MEGF10: variants seen among roughly 807,000 people sequenced by gnomAD.
MEGF10 encodes the protein multiple EGF like domains 10.
MEGF10 carries 86 observed loss-of-function variants against 147.5 expected under a neutral mutation model. The ratio of observed to expected loss-of-function variants is 0.58; its 90% CI spans 0.49 to 0.70. The LOEUF is 0.70. MEGF10 is among the 30% of genes least tolerant of loss of function. The pLI is 0.00. For synonymous variants in MEGF10, 478 were observed against 525.5 expected, an observed-to-expected ratio of 0.91 and a Z score of 1.24; for missense variants, 1,329 against 1,487.3, an observed-to-expected ratio of 0.89 and a Z score of 1.75.
At chr5:127,410,152 T>C (rs1314422150) in intron 8 of MEGF10, among the ~76,000 whole-genome samples, 1 of 152,264 alleles carries the variant, frequency 6.6e-6, no homozygotes, top group Non-Finnish European at 1.5e-5. Context: ...TTTCATTTTG[T>C]TGCTGTTGTT....
chr5:127,276,598 T>TTCCAAGTGGAAAACAAAAA, the MEGF10 span, among the ~76,000 whole-genome samples: 1 of 152,204 alleles, frequency 6.6e-6, no homozygotes, highest in Non-Finnish European at 1.5e-5. Context: ...GAAAGATAAT[T>TTCCAAGTGGAAAACAAAAA]TCCAAGTGGA....
chr5:127,304,469 A>G (rs1759922568), intron 1 of MEGF10, among the ~76,000 whole-genome samples: 1 of 152,098 alleles, frequency 6.6e-6, no homozygotes, highest in African/African-American at 2.4e-5. Flanking sequence ...TAGAACAACT[A>G]TCAGGACGTA....
At position 127,433,438 on chromosome 5, in the gene MEGF10, G is replaced by A. The variant is rs775464030; in HGVS notation, c.1769G>A (p.Gly590Glu). 1 of 1,614,004 alleles carries A rather than the reference G, an allele frequency of 6.2e-7. No homozygotes were observed. Among genetic ancestry groups the A allele is most frequent in the Non-Finnish European group, 8.5e-7 (1 of 1,179,942 alleles). ...NCSLPCYCKNGASCSPDDGIC... is the reference protein window; with the variant it reads ...NCSLPCYCKNEASCSPDDGIC... ...TCCCTGCCCTGCTACTGTAAAAATG[G>A]GGCTTCATGCTCCCCTGATGATGGC... Residue 590 changes from glycine to glutamate, a missense_variant, in exon 14 of 25, where the codon GGG becomes GAG. Gly to Glu is a moderately conservative substitution (Grantham distance 98). Coordinates refer to ENST00000503335, the MANE Select transcript of MEGF10 (RefSeq NM_001256545.2).
At chr5:127,268,128 C>G in the MEGF10 span, among the ~76,000 whole-genome samples, 2,507 of 152,154 alleles carry the variant, frequency 0.016, 58 homozygotes, top group East Asian at 0.086. Context: ...TGTCTTTGTT[C>G]TCATTGGTTT....
chr5:127,411,154 A>G (rs1237494072), intron 9 of MEGF10, among the ~76,000 whole-genome samples: 1 of 152,168 alleles, frequency 6.6e-6, no homozygotes, highest in African/African-American at 2.4e-5. Flanking sequence ...CTCACAAGGG[A>G]CTTTTAGCTC....
At chr5:127,336,634 TG>T (rs1016195428) in intron 2 of MEGF10, among the ~76,000 whole-genome samples, 5 of 152,114 alleles carry the variant, frequency 3.3e-5, no homozygotes, top group African/African-American at 1.2e-4. Flanking sequence ...CATTTACTGA[TG>T]ATAACATTTT....
chr5:127,338,392 G>T (rs1432928673), intron 2 of MEGF10, among the ~76,000 whole-genome samples: 1 of 152,034 alleles, frequency 6.6e-6, no homozygotes, highest in Non-Finnish European at 1.5e-5. Context: ...CATATTTCAT[G>T]GATGTTTTCC....
At chr5:127,265,958 C>T in the MEGF10 span, among the ~76,000 whole-genome samples, 1 of 152,128 alleles carries the variant, frequency 6.6e-6, no homozygotes, top group Admixed American at 6.5e-5. Flanking sequence ...GCTTTTGTTG[C>T]CATTGCTTTT....
chr5:127,333,210 G>A (rs184957038), intron 2 of MEGF10, among the ~76,000 whole-genome samples: 39 of 152,164 alleles, frequency 2.6e-4, no homozygotes, highest in Non-Finnish European at 7.4e-5. Context: ...AACTCTCTGA[G>A]GGAAAGACTA....
chr5:127,435,871 T>A (rs925562738), intron 16 of MEGF10, among the ~76,000 whole-genome samples: 3 of 152,204 alleles, frequency 2.0e-5, no homozygotes, highest in African/African-American at 7.2e-5. Flanking sequence ...GATGTGAGCC[T>A]TAGAAACCTA....
intron 1 of MEGF10, among the ~76,000 whole-genome samples, chr5:127,291,722 A>G (rs184941217): frequency 3.3e-5 from 5 of 152,226 alleles, no homozygotes; most frequent in Admixed American, 3.3e-4. Context: ...TTTTTCTTTT[A>G]AATTCCTTGT....
At chr5:127,267,978 C>T in the MEGF10 span, among the ~76,000 whole-genome samples, 5 of 152,158 alleles carry the variant, frequency 3.3e-5, no homozygotes, top group South Asian at 4.1e-4. Flanking sequence ...AATGTGTTTG[C>T]TCTTGCTTCT....
chr5:127,385,960 C>A (rs1220365223), intron 5 of MEGF10, among the ~76,000 whole-genome samples: 1 of 152,102 alleles, frequency 6.6e-6, no homozygotes, highest in East Asian at 1.9e-4. Flanking sequence ...TTTAAAAAAT[C>A]ATCTGGGCAT....
chr5:127,350,647 A>C (rs1762051550), intron 4 of MEGF10, among the ~76,000 whole-genome samples: 1 of 152,112 alleles, frequency 6.6e-6, no homozygotes, highest in Non-Finnish European at 1.5e-5. Context: ...ATGAAATACA[A>C]ACTGTGGAAG....
chr5:127,452,971 C>T (rs1279450452), intron 22 of MEGF10, among the ~76,000 whole-genome samples: 4 of 152,122 alleles, frequency 2.6e-5, no homozygotes, highest in Non-Finnish European at 5.9e-5. Flanking sequence ...TCCTGTCCCA[C>T]GATGATTGAT....
At position 127,457,341 on chromosome 5, in the gene MEGF10, C is replaced by A. The variant is rs377637251; in HGVS notation, c.*23C>A. ...TGACACCAAAGGACCGCTTGGTAGC[C>A]ACTGGAACCCTTTCCAGAACTGCTG... On this transcript the variant is annotated 3_prime_UTR_variant, in exon 25 of 25. Transcript: ENST00000503335. 3 of 1,603,772 alleles carry A rather than the reference C, an allele frequency of 1.9e-6. No individual in the cohort carries two copies. The highest frequency in any genetic ancestry group is 2.6e-6 in the Non-Finnish European group (3 of 1,176,312).
chr5:127,371,747 T>C (rs1316792958), intron 5 of MEGF10, among the ~76,000 whole-genome samples: 1 of 152,192 alleles, frequency 6.6e-6, no homozygotes, highest in African/African-American at 2.4e-5. Context: ...CGTTGCTTTA[T>C]TTTGGAGTTT....
chr5:127,421,598 C>T (rs771916407), intron 12 of MEGF10, among the ~76,000 whole-genome samples: 17 of 152,042 alleles, frequency 1.1e-4, no homozygotes, highest in Non-Finnish European at 1.6e-4. Context: ...TCCAAACTGA[C>T]GTGCACATGA....
intron 5 of MEGF10, among the ~76,000 whole-genome samples, chr5:127,394,656 A>C (rs991952201): frequency 4.6e-5 from 7 of 152,168 alleles, no homozygotes; most frequent in Non-Finnish European, 7.3e-5. Flanking sequence ...AAAGAATTAC[A>C]GTGGAAAAAA....
Sources: allele counts gnomAD v4.1 joint callset (sites outside exome capture counted in the v4.1 genomes callset), GRCh38; gene constraint gnomAD v4.1.1; transcripts MANE v1.5; gene names NCBI Gene and HGNC (gene_info 2026-07-23, HGNC 2026-07-21).